GPC6: variants seen among roughly 807,000 people sequenced by gnomAD.
GPC6 encodes the protein glypican 6.
Under a neutral mutation model 55.2 loss-of-function variants are expected in GPC6, and 14 were observed. The ratio of observed to expected loss-of-function variants is 0.25; its 90% CI spans 0.17 to 0.40. GPC6 has a LOEUF of 0.40. Among genes scored for constraint, GPC6 ranks in the 10% least tolerant of loss-of-function variants. The probability of loss-of-function intolerance (pLI) is 1.00; values close to 1 mark genes in which losing one functional copy is unlikely to be tolerated. For synonymous variants in GPC6, 278 were observed against 259.6 expected (o/e 1.07, Z -0.68); for missense variants, 641 against 708.5 (o/e 0.90, Z 1.08).
intron 3 of GPC6, among the ~76,000 whole-genome samples, chr13:93,943,794 C>G (rs915007699): frequency 1.3e-5 from 2 of 152,214 alleles, no homozygotes; most frequent in African/African-American, 4.8e-5. Context: ...CAGGCACTCA[C>G]TCTTTTTAAG....
At chr13:93,780,919 G>C (rs768903436) in intron 2 of GPC6, among the ~76,000 whole-genome samples, 2 of 152,008 alleles carry the variant, frequency 1.3e-5, no homozygotes, top group East Asian at 1.9e-4. Context: ...ATTGTGTAAA[G>C]TACTGTTATA....
chr13:93,338,742 C>G (rs1880130545), intron 1 of GPC6, among the ~76,000 whole-genome samples: 1 of 152,162 alleles, frequency 6.6e-6, no homozygotes. Context: ...ATTTTATTAA[C>G]ATGTTATTAT....
chr13:93,412,257 A>G lies in GPC6; in HGVS notation c.161-133006A>G, dbSNP rs12870661. Among the ~76,000 whole-genome samples the G allele has an allele frequency of 1.3e-3, 194 of 152,284 alleles. 1 individual carries two copies. The highest frequency in any genetic ancestry group is 3.0e-3 in the Admixed American group (46 of 15,284). On this transcript the variant is annotated intron_variant, in intron 1 of 8. Coordinates refer to ENST00000377047, the MANE Select transcript of GPC6 (RefSeq NM_005708.5). ...CAACCAACTCCATTTTCAGTGCCCA[A>G]TTGAAAGTTGTATAGCCACCACCTT...
chr13:93,775,359 A>G (rs1452965574), intron 2 of GPC6, among the ~76,000 whole-genome samples: 4 of 152,178 alleles, frequency 2.6e-5, no homozygotes, highest in Non-Finnish European at 5.9e-5. Flanking sequence ...AACTGAGGCC[A>G]AAAGAAGTTC....
chr13:93,360,638 A>C (rs1023845569), intron 1 of GPC6, among the ~76,000 whole-genome samples: 1 of 152,194 alleles, frequency 6.6e-6, no homozygotes, highest in African/African-American at 2.4e-5. Context: ...TCTATAATTG[A>C]TGTGTTTACT....
intron 2 of GPC6, among the ~76,000 whole-genome samples, chr13:93,772,996 C>G (rs113539537): frequency 7.9e-5 from 12 of 151,994 alleles, no homozygotes; most frequent in African/African-American, 2.7e-4. Flanking sequence ...TACCATGTTC[C>G]CGGTGGGACA....
intron 1 of GPC6, among the ~76,000 whole-genome samples, chr13:93,353,146 A>G (rs1031032792): frequency 5.3e-5 from 8 of 152,168 alleles, no homozygotes; most frequent in African/African-American, 1.7e-4. Context: ...TTTTACTACC[A>G]AAGAGGAAAC....
intron 8 of GPC6, among the ~76,000 whole-genome samples, chr13:94,401,251 C>A (rs1458000381): frequency 6.6e-6 from 1 of 152,192 alleles, no homozygotes; most frequent in Non-Finnish European, 1.5e-5. Flanking sequence ...TTTACCAAAT[C>A]TCTACCCTCT....
chr13:93,774,747 A>G (rs1734628254), intron 2 of GPC6, among the ~76,000 whole-genome samples: 2 of 152,142 alleles, frequency 1.3e-5, no homozygotes, highest in African/African-American at 4.8e-5. Flanking sequence ...GGCTCTGGAA[A>G]TTGATGATGA....
intron 2 of GPC6, among the ~76,000 whole-genome samples, chr13:93,817,320 TA>T (rs1886888010): frequency 6.6e-6 from 1 of 152,204 alleles, no homozygotes; most frequent in Admixed American, 6.5e-5. Context: ...ATTATAAACG[TA>T]ACAGTATTTT....
intron 2 of GPC6, among the ~76,000 whole-genome samples, chr13:93,738,926 C>G (rs1302475249): frequency 7.1e-6 from 1 of 139,978 alleles, no homozygotes; most frequent in Non-Finnish European, 1.5e-5. Flanking sequence ...ATTCCAAGTG[C>G]ACTTGGTTTT....
intron 4 of GPC6, among the ~76,000 whole-genome samples, chr13:94,151,061 GC>G (rs1566470371): frequency 6.6e-6 from 1 of 151,866 alleles, no homozygotes; most frequent in Admixed American, 6.6e-5. Context: ...AACTAAAGCT[GC>G]CTGGCCTTAT....
chr13:94,031,337 G>A (rs1374232989), intron 4 of GPC6, among the ~76,000 whole-genome samples: 1 of 152,130 alleles, frequency 6.6e-6, no homozygotes, highest in African/African-American at 2.4e-5. Flanking sequence ...CTATTTTAGA[G>A]TACTTAAAAA....
chr13:93,851,306 G>A (rs1287793919), intron 3 of GPC6, among the ~76,000 whole-genome samples: 1 of 151,906 alleles, frequency 6.6e-6, no homozygotes, highest in Admixed American at 6.6e-5. Flanking sequence ...TCTATTTGGT[G>A]TTAAATACAC....
At chr13:93,589,831 T>G (rs1877379897) in intron 2 of GPC6, among the ~76,000 whole-genome samples, 1 of 152,244 alleles carries the variant, frequency 6.6e-6, no homozygotes. Flanking sequence ...TGCTCAAAAT[T>G]AATCCTGATG....
intron 3 of GPC6, among the ~76,000 whole-genome samples, chr13:94,000,304 A>C (rs746936229): frequency 9.9e-5 from 15 of 152,122 alleles, no homozygotes; most frequent in Non-Finnish European, 2.1e-4. Flanking sequence ...ACTGAAAATA[A>C]ACCACCTTTG....
At chr13:93,988,996 T>A (rs768970173) in intron 3 of GPC6, among the ~76,000 whole-genome samples, 60 of 152,196 alleles carry the variant, frequency 3.9e-4, no homozygotes, top group Non-Finnish European at 7.6e-4. Context: ...TTTCAGTTAA[T>A]CCTCACATAA....
chr13:94,087,584 C>A (rs933829328), intron 4 of GPC6, among the ~76,000 whole-genome samples: 9 of 152,140 alleles, frequency 5.9e-5, no homozygotes, highest in African/African-American at 1.4e-4. Context: ...GACGGCAATC[C>A]TAACAGGCTA....
chr13:93,769,417 T>C (rs1885220727), intron 2 of GPC6, among the ~76,000 whole-genome samples: 2 of 139,864 alleles, frequency 1.4e-5, no homozygotes, highest in South Asian at 4.9e-4. Flanking sequence ...AAGCTGTGAG[T>C]GGCTGCTGCA....
Sources: allele counts gnomAD v4.1 joint callset (sites outside exome capture counted in the v4.1 genomes callset), GRCh38; gene constraint gnomAD v4.1.1; transcripts MANE v1.5; gene names NCBI Gene and HGNC (gene_info 2026-07-23, HGNC 2026-07-21).